DPP10: variants seen among roughly 807,000 people sequenced by gnomAD.
The protein encoded by DPP10 is dipeptidyl peptidase like 10.
DPP10 carries 33 observed loss-of-function variants against 120.9 expected under a neutral mutation model. The observed-to-expected ratio is 0.27, with a 90% CI of 0.21 to 0.37. DPP10 has a LOEUF of 0.37. DPP10 is among the 10% of genes least tolerant of loss of function. The pLI, the probability that DPP10 is intolerant of heterozygous loss-of-function variation, is 1.00. For missense variants in DPP10, 816 were observed against 942.8 expected, an observed-to-expected ratio of 0.87 and a Z score of 1.76; for synonymous variants, 337 against 326.1, an observed-to-expected ratio of 1.03 and a Z score of -0.36.
chr2:115,196,630 C>T (rs1336778077), intron 1 of DPP10, among the ~76,000 whole-genome samples: 1 of 151,992 alleles, frequency 6.6e-6, no homozygotes, highest in East Asian at 1.9e-4. Flanking sequence ...TAACTATAAC[C>T]ATAAAAGAGA....
intron 1 of DPP10, among the ~76,000 whole-genome samples, chr2:114,615,292 A>C (rs928933939): frequency 6.6e-6 from 1 of 152,158 alleles, no homozygotes; most frequent in South Asian, 2.1e-4. Context: ...TCATGAATGC[A>C]ATTTAATTTT....
intron 1 of DPP10, among the ~76,000 whole-genome samples, chr2:114,521,905 T>C (rs868194602): frequency 0.012 from 1,727 of 149,816 alleles, 31 homozygotes; most frequent in African/African-American, 0.04. Flanking sequence ...CTTCCCGGGT[T>C]CACGCCATTC....
intron 1 of DPP10, among the ~76,000 whole-genome samples, chr2:114,618,475 A>C (rs1693841520): frequency 6.6e-6 from 1 of 152,044 alleles, no homozygotes; most frequent in Non-Finnish European, 1.5e-5. Flanking sequence ...ATATTAATGA[A>C]AATGATACAA....
chr2:114,960,582 C>T (rs1004228668), intron 1 of DPP10, among the ~76,000 whole-genome samples: 3 of 152,060 alleles, frequency 2.0e-5, no homozygotes, highest in Non-Finnish European at 2.9e-5. Flanking sequence ...TTAAGTTTTT[C>T]GCTTACTCAG....
At chr2:115,589,437 A>T (rs541603380) in intron 5 of DPP10, among the ~76,000 whole-genome samples, 2 of 152,338 alleles carry the variant, frequency 1.3e-5, no homozygotes, top group African/African-American at 4.8e-5. Context: ...GTCAACTTGG[A>T]GGGAAAGAAC....
intron 1 of DPP10, among the ~76,000 whole-genome samples, chr2:114,553,289 CCTG>C (rs1474122180): frequency 6.6e-6 from 1 of 152,210 alleles, no homozygotes; most frequent in East Asian, 1.9e-4. Flanking sequence ...TCATTTTCCC[CCTG>C]CTGCTGTCAC....
At chr2:114,871,759 C>T (rs1205578542) in intron 1 of DPP10, among the ~76,000 whole-genome samples, 1 of 152,148 alleles carries the variant, frequency 6.6e-6, no homozygotes, top group East Asian at 1.9e-4. Context: ...GGTCTTTGGC[C>T]TGTTGGGAAC....
At chr2:115,552,140 G>T (rs2079913901) in intron 5 of DPP10, among the ~76,000 whole-genome samples, 1 of 152,104 alleles carries the variant, frequency 6.6e-6, no homozygotes, top group South Asian at 2.1e-4. Context: ...GTATTTCCAT[G>T]AAGTACTACC....
At chr2:115,804,879 G>A (rs928363014) in intron 19 of DPP10, among the ~76,000 whole-genome samples, 68 of 152,206 alleles carry the variant, frequency 4.5e-4, no homozygotes, top group African/African-American at 1.6e-3. Context: ...TCGGGGGTCA[G>A]GGACCCACTT....
At chr2:115,616,662 G>T (rs985998772) in intron 5 of DPP10, among the ~76,000 whole-genome samples, 19 of 151,994 alleles carry the variant, frequency 1.3e-4, no homozygotes, top group African/African-American at 4.1e-4. Flanking sequence ...CTCTGGATAG[G>T]TGACAAGGTG....
chr2:115,122,892 C>T (rs1398265228), intron 1 of DPP10, among the ~76,000 whole-genome samples: 2 of 152,126 alleles, frequency 1.3e-5, no homozygotes, highest in Non-Finnish European at 2.9e-5. Flanking sequence ...TCAGGGGGAG[C>T]TGTGAGATCA....
intron 11 of DPP10, 81 bp downstream of exon 11, chr2:115,753,378 G>A: frequency 7.4e-7 from 1 of 1,344,032 alleles, no homozygotes; most frequent in Non-Finnish European, 9.9e-7. Flanking sequence ...GAAATGCTTT[G>A]TACAAAAAAA....
At chr2:115,241,850 A>G (rs2058298060) in intron 1 of DPP10, among the ~76,000 whole-genome samples, 1 of 152,210 alleles carries the variant, frequency 6.6e-6, no homozygotes, top group Admixed American at 6.5e-5. Context: ...AAAAATGGGG[A>G]TAAACATAAA....
intron 1 of DPP10, among the ~76,000 whole-genome samples, chr2:115,237,372 T>C (rs2058056407): frequency 6.6e-6 from 1 of 152,156 alleles, no homozygotes; most frequent in Non-Finnish European, 1.5e-5. Context: ...GTTGTGTGTG[T>C]TCTGGCTGCT....
At chr2:114,512,846 C>CA (rs1327327521) in intron 1 of DPP10, among the ~76,000 whole-genome samples, 3 of 152,294 alleles carry the variant, frequency 2.0e-5, no homozygotes, top group East Asian at 3.9e-4. Flanking sequence ...TGCTTGTTGT[C>CA]ACGTTCCTGT....
At chr2:114,865,227 T>A (rs377008242) in intron 1 of DPP10, among the ~76,000 whole-genome samples, 1 of 152,286 alleles carries the variant, frequency 6.6e-6, no homozygotes, top group East Asian at 1.9e-4. Context: ...ATCTCAGAAG[T>A]AGGGTGAGGC....
At chr2:114,626,677 G>C (rs1694540010) in intron 1 of DPP10, among the ~76,000 whole-genome samples, 1 of 152,024 alleles carries the variant, frequency 6.6e-6, no homozygotes, top group Admixed American at 6.6e-5. Flanking sequence ...GTAGCAATGT[G>C]AAAACACTTC....
intron 5 of DPP10, among the ~76,000 whole-genome samples, chr2:115,671,213 C>A (rs2089847065): frequency 6.6e-6 from 1 of 151,732 alleles, no homozygotes; most frequent in Non-Finnish European, 1.5e-5. Context: ...AGGTTTTTAA[C>A]TGGGTAAATG....
At chr2:115,201,930 A>G (rs1289499614) in intron 1 of DPP10, among the ~76,000 whole-genome samples, 1 of 152,134 alleles carries the variant, frequency 6.6e-6, no homozygotes, top group Non-Finnish European at 1.5e-5. Flanking sequence ...TTCCTCTCAC[A>G]CATTAGGGTC....
Sources: gnomAD v4.1 joint callset for allele counts (sites outside exome capture counted in the v4.1 genomes callset) on GRCh38, gnomAD v4.1.1 for gene constraint, MANE v1.5 for transcripts, NCBI Gene and HGNC (gene_info 2026-07-23, HGNC 2026-07-21) for gene names.